Variants in SNRNP200 observed in about 807,000 individuals in gnomAD.
SNRNP200 encodes small nuclear ribonucleoprotein U5 subunit 200, also known as U5 small nuclear ribonucleoprotein 200 kDa helicase.
A neutral mutation model predicts 255.2 loss-of-function variants in SNRNP200; 66 were observed. The ratio of observed to expected loss-of-function variants is 0.26; its 90% CI spans 0.21 to 0.32. The LOEUF is 0.32. Among genes scored for constraint, SNRNP200 ranks in the 10% least tolerant of loss-of-function variants. The pLI is 1.00. For missense variants in SNRNP200, 1,585 were observed against 2,749.8 expected, an observed-to-expected ratio of 0.58 and a Z score of 9.47; for synonymous variants, 939 against 1,027.8, an observed-to-expected ratio of 0.91 and a Z score of 1.65.
At chr2:96,285,415 C>T in intron 29 of SNRNP200, 75 bp from the exon 30 acceptor site, 1 of 1,521,830 alleles carries the variant, frequency 6.6e-7, no homozygotes, top group East Asian at 2.2e-5. Flanking sequence ...GATCAATTGT[C>T]AAAACAAAGG....
chr2:96,291,608 AT>A lies in SNRNP200; in HGVS notation c.2311-107del. On this transcript the variant is annotated intron_variant, in intron 17 of 44. Transcript: ENST00000323853. This position sits in a 1 kb window ranked among gnomAD's most constrained non-coding sequence, Gnocchi z 4.2. ...CCCTGCCCCTTAACTATTATGTGGA[AT>A]AGTAATAATCACATCCAGACAATCA... 1 of 1,238,716 alleles carries A rather than the reference AT, an allele frequency of 8.1e-7. No homozygotes were observed. The highest frequency in any genetic ancestry group is 1.2e-6 in the Non-Finnish European group (1 of 842,786). The allele number at this position is 1,238,716 out of a possible 1,614,324, so 76.7% of individuals were successfully genotyped here.
At chr2:96,302,675 GTTGT>G in intron 3 of SNRNP200, among the ~76,000 whole-genome samples, 1 of 152,302 alleles carries the variant, frequency 6.6e-6, no homozygotes, top group Non-Finnish European at 1.5e-5. Flanking sequence ...ACAAGCACAG[GTTGT>G]TTGACCTGTG....
Position 96,278,127 on chromosome 2 carries a change from G to C in SNRNP200, c.5610+110C>G. 2 of 1,564,922 alleles carry C rather than the reference G, an allele frequency of 1.3e-6. No homozygotes were observed. The highest frequency in any genetic ancestry group is 4.5e-5 in the East Asian group (2 of 44,612). On this transcript the variant is annotated intron_variant, in intron 39 of 44. Coordinates refer to ENST00000323853, the MANE Select transcript of SNRNP200 (RefSeq NM_014014.5). This position sits in a 1 kb window ranked among gnomAD's most constrained non-coding sequence, Gnocchi z 6.9. ...TATGGAGCGGGAGGACATATGGCGG[G>C]GGTCGGGGGATGCGTATGGGCGTGT...
Position 96,277,748 on chromosome 2 carries a change from A to G in SNRNP200, c.5755-33T>C. ...GGAAAAGGAGTATAAAAGTGGGCGG[A>G]GTTGGAGCTGAGATGTTTAGAGCAC... is the stretch of plus-strand genomic sequence containing the variant. On this transcript the variant is annotated intron_variant, in intron 40 of 44. Coordinates refer to ENST00000323853, the MANE Select transcript of SNRNP200 (RefSeq NM_014014.5). This position sits in a 1 kb window ranked among gnomAD's most constrained non-coding sequence, Gnocchi z 4.4. 1 of 1,614,134 alleles carries G rather than the reference A, an allele frequency of 6.2e-7. No homozygotes were observed. Among genetic ancestry groups the G allele is most frequent in the Non-Finnish European group, 8.5e-7 (1 of 1,180,030 alleles).
At chr2:96,288,529 A>AC in intron 24 of SNRNP200, 134 bp downstream of exon 24, 1 of 775,680 alleles carries the variant, frequency 1.3e-6, no homozygotes. Context: ...CCAACCAACT[A>AC]CCCGGCAAGA....
Position 96,290,126 on chromosome 2 carries a change from T to G in SNRNP200, c.2743-130A>C. On this transcript the variant is annotated intron_variant, in intron 20 of 44. Coordinates refer to ENST00000323853, the MANE Select transcript of SNRNP200 (RefSeq NM_014014.5). This position sits in a 1 kb window ranked among gnomAD's most constrained non-coding sequence, Gnocchi z 4.5. ...TATTACATCGTATTCTGAATGTTTT[T>G]AGCATTTCATTATTAAAAAGATCTA... 9.5e-7 allele frequency: 1 copy of G among 1,053,146 alleles called. No individual in the cohort carries two copies. Among genetic ancestry groups the G allele is most frequent in the South Asian group, 1.3e-5 (1 of 77,408 alleles). The allele number at this position is 1,053,146 out of a possible 1,614,324, so 65.2% of individuals were successfully genotyped here. A position where few individuals can be genotyped will look rare whatever the true frequency, so the allele number is the denominator to read the frequency against.
rs146116393 is a variant in SNRNP200, at chr2:96,287,380, T to A, written c.3484+59A>T. ...CAGGCCTAGGAACAGGAAGACTACA[T>A]AGGCAAACTGGGAGAGACACCCAGG... On this transcript the variant is annotated intron_variant, in intron 26 of 44. Transcript: ENST00000323853. This position sits in a 1 kb window ranked among gnomAD's most constrained non-coding sequence, Gnocchi z 5.7. The A allele has an allele frequency of 3.8e-6, 5 of 1,323,606 alleles. No homozygotes were observed. The allele number at this position is 1,323,606 out of a possible 1,614,324, so 82.0% of individuals were successfully genotyped here.
At chr2:96,299,064 C>T in intron 6 of SNRNP200, 97 bp from the exon 7 acceptor site, 2 of 1,503,562 alleles carry the variant, frequency 1.3e-6, no homozygotes, top group Non-Finnish European at 1.8e-6. Flanking sequence ...CAATCCATAG[C>T]CCACCTTCTT....
rs1238835351 is a variant in SNRNP200, at chr2:96,277,733, T to G, written c.5755-18A>C. ...CGGATTGCCTGAACAGGAAAAGGAG[T>G]ATAAAAGTGGGCGGAGTTGGAGCTG... On this transcript the variant is annotated intron_variant, in intron 40 of 44. Transcript: ENST00000323853. The surrounding 1 kb of genome is among the most constrained non-coding windows in gnomAD (Gnocchi z 4.4). 2 of 1,613,540 alleles carry G rather than the reference T, an allele frequency of 1.2e-6. No individual in the cohort carries two copies. Among genetic ancestry groups the G allele is most frequent in the Non-Finnish European group, 1.7e-6 (2 of 1,179,914 alleles).
rs1558766367 is a variant in SNRNP200 at position 96,286,484 on chromosome 2, G to A, written c.3830C>T (p.Ser1277Phe). ...FIRVVSDRWLSCETQLPVSFR... is the reference protein window; with the variant it reads ...FIRVVSDRWLFCETQLPVSFR... ...GGAGACAGGCAGCTGGGTCTCACAA[G>A]CTGCCAGAAAAGAAACAGGAAGGAT... The change falls in exon 29 of 45, where the codon TCT becomes TTT. Residue 1277 changes from serine (S) to phenylalanine (F), a missense_variant and splice_region_variant. Coordinates refer to ENST00000323853, the MANE Select transcript of SNRNP200 (RefSeq NM_014014.5). This position sits in a 1 kb window ranked among gnomAD's most constrained non-coding sequence, Gnocchi z 4.8. The A allele has an allele frequency of 6.2e-7, 1 of 1,614,048 alleles. No individual in the cohort carries two copies. Among genetic ancestry groups the A allele is most frequent in the South Asian group, 1.1e-5 (1 of 91,068 alleles).
chr2:96,281,480 TCTTA>T (rs1393368695), intron 35 of SNRNP200: 5 of 352,108 alleles, frequency 1.4e-5, no homozygotes, highest in Non-Finnish European at 2.8e-5. Flanking sequence ...TCCTCTAGCT[TCTTA>T]CTTGTCACTA....
Position 96,287,404 on chromosome 2 carries a change from G to C in SNRNP200, c.3484+35C>G, listed in dbSNP as rs565953530. On this transcript the variant is annotated intron_variant, in intron 26 of 44. Transcript: ENST00000323853. The surrounding 1 kb of genome is among the most constrained non-coding windows in gnomAD (Gnocchi z 5.7). ...ATAGGCAAACTGGGAGAGACACCCA[G>C]GCAGTGAGGACAAGGGCGAGAGCAT... 6.9e-5 allele frequency: 101 copies of C among 1,462,750 alleles called. No individual in the cohort carries two copies. In the Middle Eastern group the frequency reaches 8.6e-4, roughly 12 times the overall value. 90.6% of individuals were successfully genotyped at this position (1,462,750 alleles called of 1,614,324 possible). A position where few individuals can be genotyped will look rare whatever the true frequency, so the allele number is the denominator to read the frequency against.
Position 96,291,122 on chromosome 2 carries a change from G to A in SNRNP200, c.2421+270C>T, listed in dbSNP as rs149667737. ...GAAAGAGGGAACGACAAGGGCACGC[G>A]TGCCCCCATGAGACACTGTTTGGAG... On this transcript the variant is annotated intron_variant, in intron 18 of 44. Transcript: ENST00000323853. The surrounding 1 kb of genome is among the most constrained non-coding windows in gnomAD (Gnocchi z 4.2). Among the ~76,000 whole-genome samples, 137 of 152,244 alleles carry A rather than the reference G, an allele frequency of 9.0e-4. No individual in the cohort carries two copies. Among genetic ancestry groups the A allele is most frequent in the South Asian group, 3.3e-3 (16 of 4,822 alleles).
rs750649684 is a variant in SNRNP200 at position 96,298,857 on chromosome 2, G to A, written c.840C>T (p.Ile280=). The A allele has an allele frequency of 1.3e-5, 21 of 1,613,980 alleles. No homozygotes were observed. The highest frequency in any genetic ancestry group is 6.7e-5 in the African/African-American group (5 of 74,924). The change falls in exon 7 of 45, where the codon ATC becomes ATT. Residue 280 remains isoleucine (I), a synonymous_variant. Coordinates refer to ENST00000323853, the MANE Select transcript of SNRNP200 (RefSeq NM_014014.5). ...CTTCATCTGCCTTCTTCTGCGACAC[G>A]ATGGCATCATCATAGAAACGACTGA... ...RQLSRFYDDA[I]VSQKKADEVL... is the part of the protein sequence containing the mutation.
intron 34 of SNRNP200, 55 bp from the exon 35 acceptor site, chr2:96,281,977 G>T: frequency 7.4e-7 from 1 of 1,355,446 alleles, no homozygotes; most frequent in Non-Finnish European, 1.1e-6. Flanking sequence ...GGTGAAGTAG[G>T]CTCACTGCCT....
Position 96,285,162 on chromosome 2 carries a change from C to T in SNRNP200, c.4164+18G>A. 1 of 1,613,824 alleles carries T rather than the reference C, an allele frequency of 6.2e-7. No homozygotes were observed. The highest frequency in any genetic ancestry group is 8.5e-7 in the Non-Finnish European group (1 of 1,179,866). ...AATGCTTCTTGGGAAATTCACATGACACAGCGCCACGTCATACCTGCTCTG... is the reference window on the plus strand; with the variant it reads ...AATGCTTCTTGGGAAATTCACATGATACAGCGCCACGTCATACCTGCTCTG... On this transcript the variant is annotated intron_variant, in intron 30 of 44. Transcript: ENST00000323853.
chr2:96,275,687 T>G (rs1684643168), intron 43 of SNRNP200, among the ~76,000 whole-genome samples: 2 of 152,186 alleles, frequency 1.3e-5, no homozygotes, highest in Non-Finnish European at 2.9e-5. Context: ...TACTTTTAAG[T>G]ACAAGGCAAA....
chr2:96,297,355 T>C lies in SNRNP200; in HGVS notation c.1377+8A>G, dbSNP rs368074667. The C allele has an allele frequency of 2.1e-5, 34 of 1,612,922 alleles. No individual in the cohort carries two copies. The African/African-American group carries it at 4.3e-4, about 20-fold the overall frequency. ...TGAGCAGAGAACTGAAGAAAGCAAT[T>C]CACTTACTTCTTCTGAGCCAAAGGG... is the stretch of plus-strand genomic sequence containing the variant. On this transcript the variant is annotated splice_region_variant and intron_variant, in intron 11 of 44. Coordinates refer to ENST00000323853, the MANE Select transcript of SNRNP200 (RefSeq NM_014014.5).
intron 43 of SNRNP200, among the ~76,000 whole-genome samples, chr2:96,275,818 T>C (rs1481593304): frequency 1.3e-5 from 2 of 152,196 alleles, no homozygotes; most frequent in Non-Finnish European, 1.5e-5. Context: ...CTGGCTAACA[T>C]GGTGAAACTC....
Sources: gnomAD v4.1 joint callset for allele counts (sites outside exome capture counted in the v4.1 genomes callset) on GRCh38, gnomAD v4.1.1 for gene constraint, Gnocchi (gnomAD v3.1) non-coding constraint, MANE v1.5 for transcripts, NCBI Gene and HGNC (gene_info 2026-07-23, HGNC 2026-07-21) for gene names.